The following SLCO2A1 variants were observed in gnomAD, a reference collection of about 807,000 sequenced individuals.
The protein encoded by SLCO2A1 is solute carrier organic anion transporter family member 2A1.
SLCO2A1 carries 60 observed loss-of-function variants against 71.7 expected under a neutral mutation model. The observed-to-expected ratio is 0.84, with a 90% CI of 0.68 to 1.04. The LOEUF (loss-of-function observed/expected upper bound fraction) is 1.04, where lower values mean the gene tolerates loss of function less well. Among genes scored for constraint, SLCO2A1 ranks in the 50% least tolerant of loss-of-function variants. The pLI, the probability that SLCO2A1 is intolerant of heterozygous loss-of-function variation, is 0.00. For missense variants in SLCO2A1, 745 were observed against 813.4 expected, an observed-to-expected ratio of 0.92 and a Z score of 1.02; for synonymous variants, 308 against 326.7, an observed-to-expected ratio of 0.94 and a Z score of 0.62.
At chr3:133,988,294 C>T (rs931001652) in intron 1 of SLCO2A1, among the ~76,000 whole-genome samples, 2 of 152,188 alleles carry the variant, frequency 1.3e-5, no homozygotes, top group African/African-American at 4.8e-5. Context: ...CTTGGGTCTC[C>T]ATAATCCTTT....
intron 1 of SLCO2A1, among the ~76,000 whole-genome samples, chr3:133,986,250 AGTTTTTT>A (rs373570917): frequency 3.5e-3 from 526 of 152,126 alleles, no homozygotes; most frequent in African/African-American, 0.011. Context: ...TTTGACAAAC[AGTTTTTT>A]GTTTTTTGTT....
Position 134,000,224 on chromosome 3 carries a change from C to T in SLCO2A1, c.97-20606G>A, listed in dbSNP as rs368731407. 2.0e-4 allele frequency among the ~76,000 whole-genome samples: 30 copies of T among 152,154 alleles called. No homozygotes were observed. The East Asian group carries it at 5.0e-3, about 26-fold the overall frequency. On this transcript the variant is annotated intron_variant, in intron 1 of 13. Coordinates refer to ENST00000310926, the MANE Select transcript of SLCO2A1 (RefSeq NM_005630.3). ...AGGGAGGCAGCTTGAGGCTGTGGGG[C>T]TGGGAGACCAAGTAGAGATGTCCAG...
intron 6 of SLCO2A1, chr3:133,951,000 C>T (rs147269158): frequency 4.0e-5 from 24 of 600,202 alleles, no homozygotes; most frequent in South Asian, 5.5e-5. Context: ...TAACATGGTA[C>T]GGGAACACAT....
intron 9 of SLCO2A1, among the ~76,000 whole-genome samples, chr3:133,945,803 CG>C (rs1263572485): frequency 1.3e-5 from 2 of 152,140 alleles, no homozygotes; most frequent in Non-Finnish European, 2.9e-5. Flanking sequence ...TGACCTTCTT[CG>C]GGGAGGGTTG....
intron 1 of SLCO2A1, among the ~76,000 whole-genome samples, chr3:134,016,267 C>A (rs1217420325): frequency 6.6e-6 from 1 of 151,874 alleles, no homozygotes; most frequent in Non-Finnish European, 1.5e-5. Context: ...AGAAGAAAAT[C>A]ATTTCAGACT....
chr3:134,011,706 C>CT (rs781070193), intron 1 of SLCO2A1, among the ~76,000 whole-genome samples: 1 of 152,336 alleles, frequency 6.6e-6, no homozygotes, highest in South Asian at 2.1e-4. Flanking sequence ...TGAGGGGTCT[C>CT]TGTTAGCCCT....
At chr3:133,996,062 A>C (rs1397827545) in intron 1 of SLCO2A1, among the ~76,000 whole-genome samples, 3 of 152,194 alleles carry the variant, frequency 2.0e-5, no homozygotes, top group African/African-American at 7.2e-5. Context: ...TTTCTGTAGC[A>C]GGCAAGAGAC....
chr3:134,024,329 A>T (rs551697025), intron 1 of SLCO2A1, among the ~76,000 whole-genome samples: 2 of 152,378 alleles, frequency 1.3e-5, no homozygotes, highest in Non-Finnish European at 2.9e-5. Context: ...GACGAATACC[A>T]TATCAATTTA....
At chr3:134,029,322 G>A (rs1935768857) in intron 1 of SLCO2A1, among the ~76,000 whole-genome samples, 1 of 152,168 alleles carries the variant, frequency 6.6e-6, no homozygotes, top group Non-Finnish European at 1.5e-5. Context: ...CGAAGTAACC[G>A]CCCGCTGGAG....
intron 1 of SLCO2A1, among the ~76,000 whole-genome samples, chr3:133,989,250 T>A (rs1934783549): frequency 6.6e-6 from 1 of 152,242 alleles, no homozygotes; most frequent in African/African-American, 2.4e-5. Flanking sequence ...TAGGGCCCAC[T>A]CCCACCCTGC....
chr3:133,990,045 G>A (rs138760119), intron 1 of SLCO2A1, among the ~76,000 whole-genome samples: 4 of 152,356 alleles, frequency 2.6e-5, no homozygotes, highest in African/African-American at 9.6e-5. Flanking sequence ...GTAAAGGGCT[G>A]TTCTATCTTA....
intron 1 of SLCO2A1, among the ~76,000 whole-genome samples, chr3:133,983,651 C>T (rs775317997): frequency 6.6e-6 from 1 of 152,222 alleles, no homozygotes; most frequent in Non-Finnish European, 1.5e-5. Flanking sequence ...CCCTGCCCTT[C>T]AGGAGCAGTG....
intron 1 of SLCO2A1, chr3:133,998,759 C>T (rs528926507): frequency 3.9e-5 from 6 of 152,404 alleles, no homozygotes; most frequent in Non-Finnish European, 7.3e-5. Flanking sequence ...TCTCCACCGA[C>T]CAGTGAATTC....
chr3:133,981,752 G>A (rs778004995), intron 1 of SLCO2A1, among the ~76,000 whole-genome samples: 8 of 152,218 alleles, frequency 5.3e-5, no homozygotes, highest in Non-Finnish European at 1.0e-4. Flanking sequence ...CGAAGCAGGC[G>A]GATCATGAGG....
intron 1 of SLCO2A1, among the ~76,000 whole-genome samples, chr3:134,012,841 C>T (rs753931086): frequency 3.3e-5 from 5 of 152,078 alleles, no homozygotes; most frequent in Admixed American, 6.5e-5. Flanking sequence ...TGACTCTCCT[C>T]GGCACTTCCC....
rs140525477 is a variant in SLCO2A1, at chr3:133,951,151, C to T, written c.861+57G>A. The T allele has an allele frequency of 4.4e-4, 714 of 1,608,202 alleles. 2 individuals carry two copies. In the African/African-American group the frequency reaches 8.3e-3, roughly 19 times the overall value. ...CTTTTTAGCTCTATTTATTTTCTAC[C>T]CCCACATCCCTTTCTTCAACTCCAT... On this transcript the variant is annotated intron_variant, in intron 6 of 13. Coordinates refer to ENST00000310926, the MANE Select transcript of SLCO2A1 (RefSeq NM_005630.3).
chr3:134,005,270 C>G (rs1240152264), intron 1 of SLCO2A1, among the ~76,000 whole-genome samples: 1 of 152,166 alleles, frequency 6.6e-6, no homozygotes, highest in African/African-American at 2.4e-5. Flanking sequence ...TTTAAACATT[C>G]TTATCTGTTA....
intron 1 of SLCO2A1, among the ~76,000 whole-genome samples, chr3:133,985,327 A>G (rs1330971225): frequency 1.3e-5 from 2 of 152,228 alleles, no homozygotes; most frequent in Non-Finnish European, 2.9e-5. Context: ...CAACCTTCCC[A>G]TGCTTCTTTA....
chr3:133,943,485 C>T (rs1933486643), intron 10 of SLCO2A1, among the ~76,000 whole-genome samples: 2 of 152,244 alleles, frequency 1.3e-5, no homozygotes, highest in Admixed American at 1.3e-4. Flanking sequence ...CTTCTGCCGA[C>T]AGTGGTAACT....
Sources: allele counts gnomAD v4.1 joint callset (sites outside exome capture counted in the v4.1 genomes callset), GRCh38; gene constraint gnomAD v4.1.1; transcripts MANE v1.5; gene names NCBI Gene and HGNC (gene_info 2026-07-23, HGNC 2026-07-21).